Variants in RAD51B observed in about 807,000 individuals in gnomAD.
The protein encoded by RAD51B is RAD51 paralog B.
RAD51B carries 38 observed loss-of-function variants against 42.2 expected under a neutral mutation model. The ratio of observed to expected loss-of-function variants is 0.90; its 90% CI spans 0.70 to 1.18. The LOEUF is 1.18. Among genes scored for constraint, RAD51B ranks in the 50% most tolerant of loss-of-function variants. The pLI, the probability that RAD51B is intolerant of heterozygous loss-of-function variation, is 0.00. For missense variants in RAD51B, 373 were observed against 400.7 expected, an observed-to-expected ratio of 0.93 and a Z score of 0.59; for synonymous variants, 154 against 145.2, an observed-to-expected ratio of 1.06 and a Z score of -0.43.
intron 11 of RAD51B, among the ~76,000 whole-genome samples, chr14:68,663,051 A>T (rs1595053109): frequency 6.6e-6 from 1 of 152,236 alleles, no homozygotes; most frequent in African/African-American, 2.4e-5. Context: ...CTGTAATCCC[A>T]GCACTGTGGG....
intron 7 of RAD51B, among the ~76,000 whole-genome samples, chr14:67,985,845 G>C (rs2075179323): frequency 6.6e-6 from 1 of 152,208 alleles, no homozygotes; most frequent in Admixed American, 6.5e-5. Context: ...AGGAGGCGGA[G>C]GTTGTGGTGA....
At chr14:68,583,854 G>A (rs546081850) in intron 10 of RAD51B, among the ~76,000 whole-genome samples, 18 of 152,150 alleles carry the variant, frequency 1.2e-4, no homozygotes, top group Non-Finnish European at 1.9e-4. Context: ...CCAGCAGCAG[G>A]GCATATGTGG....
At chr14:68,592,135 T>C (rs935278746) in intron 10 of RAD51B, among the ~76,000 whole-genome samples, 7 of 152,106 alleles carry the variant, frequency 4.6e-5, no homozygotes, top group African/African-American at 1.7e-4. Context: ...ATGCTTTCCA[T>C]GAATGAAAGC....
intron 8 of RAD51B, among the ~76,000 whole-genome samples, chr14:68,396,317 A>C (rs1335000649): frequency 6.6e-6 from 1 of 152,112 alleles, no homozygotes; most frequent in Non-Finnish European, 1.5e-5. Flanking sequence ...CCACATCCAC[A>C]TTACAGATGA....
chr14:68,398,843 G>A (rs543475562), intron 8 of RAD51B, among the ~76,000 whole-genome samples: 5 of 152,224 alleles, frequency 3.3e-5, no homozygotes, highest in Admixed American at 1.3e-4. Flanking sequence ...GACTGTCTGC[G>A]GGATCTGAGG....
chr14:68,146,929 G>A (rs1364196869), intron 7 of RAD51B, among the ~76,000 whole-genome samples: 4 of 152,148 alleles, frequency 2.6e-5, no homozygotes, highest in African/African-American at 9.7e-5. Flanking sequence ...TGATTCTGGA[G>A]GGATATTGGA....
chr14:67,849,472 G>A (rs2041732179), intron 4 of RAD51B, among the ~76,000 whole-genome samples: 1 of 152,002 alleles, frequency 6.6e-6, no homozygotes, highest in Non-Finnish European at 1.5e-5. Flanking sequence ...TAGTAGAGAT[G>A]GGTTTTCACC....
chr14:68,113,154 G>T (rs1170605087), intron 7 of RAD51B, among the ~76,000 whole-genome samples: 3 of 152,140 alleles, frequency 2.0e-5, no homozygotes, highest in South Asian at 2.1e-4. Flanking sequence ...TGCAGGAAAA[G>T]AATTCTTGCA....
At chr14:67,981,316 A>G (rs1421188085) in intron 7 of RAD51B, among the ~76,000 whole-genome samples, 1 of 152,234 alleles carries the variant, frequency 6.6e-6, no homozygotes, top group African/African-American at 2.4e-5. Flanking sequence ...ACCATATGAA[A>G]TGTTGGTGAA....
intron 9 of RAD51B, among the ~76,000 whole-genome samples, chr14:68,457,998 A>G (rs1475044056): frequency 6.6e-6 from 1 of 151,784 alleles, no homozygotes; most frequent in African/African-American, 2.4e-5. Flanking sequence ...TTGTGTTAAT[A>G]AATATTAAGC....
At chr14:68,476,797 T>A (rs1325459553) in intron 10 of RAD51B, among the ~76,000 whole-genome samples, 1 of 152,190 alleles carries the variant, frequency 6.6e-6, no homozygotes, top group Non-Finnish European at 1.5e-5. Flanking sequence ...TTGAAAAATC[T>A]TCCTATCTAC....
chr14:67,990,143 G>A (rs2075270486), intron 7 of RAD51B, among the ~76,000 whole-genome samples: 1 of 151,724 alleles, frequency 6.6e-6, no homozygotes, highest in African/African-American at 2.4e-5. Flanking sequence ...GACTACAGGT[G>A]CACGCCACCA....
intron 8 of RAD51B, among the ~76,000 whole-genome samples, chr14:68,397,335 G>C (rs1041773971): frequency 1.3e-5 from 2 of 152,188 alleles, no homozygotes; most frequent in South Asian, 4.1e-4. Context: ...ACTGGCTACT[G>C]ACACCAAAAC....
chr14:67,923,298 CTTTTTTTT>C (rs34809964), intron 7 of RAD51B, among the ~76,000 whole-genome samples: 2 of 123,654 alleles, frequency 1.6e-5, no homozygotes, highest in Non-Finnish European at 3.3e-5. Flanking sequence ...TTTTCTTTTT[CTTTTTTTT>C]TTTTTTTTTT....
intron 4 of RAD51B, among the ~76,000 whole-genome samples, chr14:67,845,433 T>C (rs1042959653): frequency 2.0e-5 from 3 of 152,118 alleles, no homozygotes; most frequent in African/African-American, 7.2e-5. Context: ...TTTGGGAGGC[T>C]GAGGCAGGTG....
At chr14:67,832,461 CT>C (rs140550166) in intron 3 of RAD51B, among the ~76,000 whole-genome samples, 49,210 of 151,528 alleles carry the variant, frequency 0.32, 8,321 homozygotes, top group Middle Eastern at 0.45. Context: ...TTTTCTTTAA[CT>C]TTTTTTTTCA....
intron 5 of RAD51B, among the ~76,000 whole-genome samples, chr14:67,881,806 T>A (rs1235079736): frequency 1.3e-5 from 2 of 152,238 alleles, no homozygotes; most frequent in Admixed American, 1.3e-4. Flanking sequence ...TAATCCTTTG[T>A]GGGCTAAAGT....
At chr14:67,898,946 C>T (rs1244566627) in intron 7 of RAD51B, among the ~76,000 whole-genome samples, 2 of 152,140 alleles carry the variant, frequency 1.3e-5, no homozygotes, top group Non-Finnish European at 1.5e-5. Flanking sequence ...GTATTTTTCA[C>T]TTGAACATTG....
intron 8 of RAD51B, among the ~76,000 whole-genome samples, chr14:68,299,675 G>C (rs554912207): frequency 6.6e-6 from 1 of 152,270 alleles, no homozygotes; most frequent in African/African-American, 2.4e-5. Flanking sequence ...GGGCTTAGAA[G>C]GCTACACAAT....
Sources: gnomAD v4.1 joint callset for allele counts (sites outside exome capture counted in the v4.1 genomes callset) on GRCh38, gnomAD v4.1.1 for gene constraint, MANE v1.5 for transcripts, NCBI Gene and HGNC (gene_info 2026-07-23, HGNC 2026-07-21) for gene names.